SLC44A1: variants seen among roughly 807,000 people sequenced by gnomAD.
The protein encoded by SLC44A1 is choline transporter-like protein 1.
Under a neutral mutation model 79.3 loss-of-function variants are expected in SLC44A1, and 26 were observed. The observed-to-expected ratio is 0.33, with a 90% CI of 0.24 to 0.46. The LOEUF (loss-of-function observed/expected upper bound fraction) is 0.46, where lower values mean the gene tolerates loss of function less well. SLC44A1 is among the 20% of genes least tolerant of loss of function. SLC44A1 has a pLI of 1.00. For synonymous variants in SLC44A1, 263 were observed against 286.2 expected, an observed-to-expected ratio of 0.92 and a Z score of 0.82; for missense variants, 688 against 798.1, an observed-to-expected ratio of 0.86 and a Z score of 1.66.
At chr9:105,427,567 C>A (rs151008489) in intron 15 of SLC44A1, among the ~76,000 whole-genome samples, 2 of 152,112 alleles carry the variant, frequency 1.3e-5, no homozygotes, top group African/African-American at 2.4e-5. Flanking sequence ...AGCCACTGCA[C>A]CCGGCCTCAG....
intron 15 of SLC44A1, among the ~76,000 whole-genome samples, chr9:105,433,773 G>T (rs889757436): frequency 6.6e-6 from 1 of 152,110 alleles, no homozygotes; most frequent in Non-Finnish European, 1.5e-5. Context: ...CACACAGGGG[G>T]TTCTCTAGCT....
At chr9:105,401,420 G>C (rs1828956292), downstream of SLC44A1, among the ~76,000 whole-genome samples, 2 of 152,100 alleles carry the variant, frequency 1.3e-5, no homozygotes, top group South Asian at 4.1e-4. Context: ...ACTTAAAATA[G>C]AATATACCTA....
intron 4 of SLC44A1, among the ~76,000 whole-genome samples, chr9:105,346,546 C>T (rs1827251826): frequency 6.6e-6 from 1 of 152,092 alleles, no homozygotes; most frequent in Non-Finnish European, 1.5e-5. Context: ...GTCCTCTGCA[C>T]TTATTGGCGC....
chr9:105,349,786 ATAT>A lies in SLC44A1; in HGVS notation c.500+1339_500+1341del, dbSNP rs963186147. ...AGAATCATGCTCTCAAGATTAAAACATATTATGACAGTATAGCCAGAAAGCCTG... is the reference window on the plus strand; with the variant it reads ...AGAATCATGCTCTCAAGATTAAAACATATGACAGTATAGCCAGAAAGCCTG... On this transcript the variant is annotated intron_variant, in intron 5 of 15. Transcript: ENST00000374720. 9.2e-5 allele frequency among the ~76,000 whole-genome samples: 14 copies of A among 152,328 alleles called. 1 individual carries two copies. The highest frequency in any genetic ancestry group is 3.4e-4 in the African/African-American group (14 of 41,572).
At position 105,385,499 on chromosome 9, in the gene SLC44A1, G is replaced by T; in HGVS notation, c.1947G>T (p.Pro649=). ...GGVADSRELK[P]MASGASSA Reference sequence around the variant, plus strand: ...TCGCTGATTCCAGAGAGCTAAAGCCGATGGTAGGTGGAGATGAGGAGGTGG... The same window carrying T: ...TCGCTGATTCCAGAGAGCTAAAGCCTATGGTAGGTGGAGATGAGGAGGTGG... Residue 649 remains proline, a synonymous_variant, in exon 15 of 16, where the codon CCG becomes CCT. Coordinates refer to ENST00000374720, the MANE Select transcript of SLC44A1 (RefSeq NM_080546.5). The T allele has an allele frequency of 6.4e-7, 1 of 1,571,934 alleles. No homozygotes were observed. The highest frequency in any genetic ancestry group is 1.2e-5 in the South Asian group (1 of 85,406).
At chr9:105,294,979 A>G (rs1312811428) in intron 1 of SLC44A1, among the ~76,000 whole-genome samples, 1 of 150,820 alleles carries the variant, frequency 6.6e-6, no homozygotes, top group African/African-American at 2.4e-5. Context: ...TGTGTTTAGT[A>G]CACTGGTGAG....
intron 15 of SLC44A1, among the ~76,000 whole-genome samples, chr9:105,424,960 AAAG>A (rs1427667791): frequency 6.8e-6 from 1 of 147,762 alleles, no homozygotes; most frequent in Non-Finnish European, 1.5e-5. Context: ...AAAAAAAAAA[AAAG>A]AAAAGAAAGA....
In SLC44A1 at chr9:105,365,499, C is replaced by G. The variant is rs1001737261; in HGVS notation, c.1270C>G (p.Pro424Ala). Residue 424 changes from proline (P) to alanine (A), a missense_variant, in exon 11 of 16, where the codon CCA becomes GCA. Transcript: ENST00000374720. ...YYFTRDKRNLPFTPILASVNR... is the reference protein window; with the variant it reads ...YYFTRDKRNLAFTPILASVNR... Reference sequence around the variant, plus strand: ...TTTAAATAGGGATAAAAGGAATTTGCCATTTACACCTATTTTGGCATCAGT... The same window carrying G: ...TTTAAATAGGGATAAAAGGAATTTGGCATTTACACCTATTTTGGCATCAGT... 2 of 1,611,614 alleles carry G rather than the reference C, an allele frequency of 1.2e-6. No individual in the cohort carries two copies. The highest frequency in any genetic ancestry group is 1.7e-6 in the Non-Finnish European group (2 of 1,178,538).
chr9:105,280,228 T>A (rs1289324247), intron 1 of SLC44A1, among the ~76,000 whole-genome samples: 1 of 152,226 alleles, frequency 6.6e-6, no homozygotes, highest in African/African-American at 2.4e-5. Flanking sequence ...AACACTGTGT[T>A]GCAGTTTAGC....
rs1554790127 is a variant in SLC44A1 at position 105,304,944 on chromosome 9, G to GTTTTTTTTTGTTTTTTTTTTTTTTTT, written c.127-4771_127-4770insGTTTTTTTTTTTTTTTTTTTTTTTTT. On this transcript the variant is annotated intron_variant, in intron 2 of 15. Transcript: ENST00000374720. ...GTAGTTATTCCCTAGACTTTCTATC[G>GTTTTTTTTTGTTTTTTTTTTTTTTTT]TTTTTTTTTTTTTTTTTTTTTTTTT... is the stretch of plus-strand genomic sequence containing the variant. Among the ~76,000 whole-genome samples, 2 of 20,078 alleles carry GTTTTTTTTTGTTTTTTTTTTTTTTTT rather than the reference G, an allele frequency of 1.0e-4. 1 individual carries two copies. The highest frequency in any genetic ancestry group is 2.2e-4 in the Non-Finnish European group (2 of 8,998). The allele number at this position is 20,078 out of a possible 152,430, so 13.2% of individuals were successfully genotyped here.
intron 1 of SLC44A1, among the ~76,000 whole-genome samples, chr9:105,292,156 T>C (rs763471389): frequency 6.6e-6 from 1 of 152,152 alleles, no homozygotes; most frequent in Non-Finnish European, 1.5e-5. Flanking sequence ...GTTCTCTGGC[T>C]TAGTCTGGGG....
chr9:105,399,544 G>T (rs906578215), downstream of SLC44A1, among the ~76,000 whole-genome samples: 35 of 152,128 alleles, frequency 2.3e-4, no homozygotes, highest in African/African-American at 8.4e-4. Flanking sequence ...GAGAAAAGGA[G>T]ATTAGCTATG....
intron 1 of SLC44A1, among the ~76,000 whole-genome samples, chr9:105,268,720 G>A (rs1046520141): frequency 1.3e-5 from 2 of 150,954 alleles, no homozygotes; most frequent in Admixed American, 1.3e-4. Context: ...GGCTGGTCTC[G>A]AACTCCAACC....
chr9:105,380,898 C>G (rs1473018815), intron 13 of SLC44A1, among the ~76,000 whole-genome samples: 3 of 152,178 alleles, frequency 2.0e-5, no homozygotes, highest in Non-Finnish European at 4.4e-5. Context: ...CTTAGCCTTT[C>G]TACAGTTTGA....
At chr9:105,434,481 A>G (rs763484956) in intron 15 of SLC44A1, among the ~76,000 whole-genome samples, 2 of 152,238 alleles carry the variant, frequency 1.3e-5, no homozygotes, top group Non-Finnish European at 2.9e-5. Flanking sequence ...GTAGGGCAAA[A>G]ATAAGATGGA....
chr9:105,389,760 C>G lies in SLC44A1; in HGVS notation c.*704C>G. On this transcript the variant is annotated 3_prime_UTR_variant, in exon 16 of 16. Coordinates refer to ENST00000374720, the MANE Select transcript of SLC44A1 (RefSeq NM_080546.5). ...AAAAAGAAAAGGGTAGATAATCTTTCGTATGCAAACTTTTCCCTTATATTT... is the reference window on the plus strand; with the variant it reads ...AAAAAGAAAAGGGTAGATAATCTTTGGTATGCAAACTTTTCCCTTATATTT... 7.7e-7 allele frequency: 1 copy of G among 1,302,374 alleles called. No individual in the cohort carries two copies. The highest frequency in any genetic ancestry group is 1.5e-5 in the African/African-American group (1 of 66,106). The allele number at this position is 1,302,374 out of a possible 1,614,324, so 80.7% of individuals were successfully genotyped here. A position where few individuals can be genotyped will look rare whatever the true frequency, so the allele number is the denominator to read the frequency against.
At chr9:105,304,509 G>T (rs1830965617) in intron 2 of SLC44A1, among the ~76,000 whole-genome samples, 1 of 152,000 alleles carries the variant, frequency 6.6e-6, no homozygotes, top group African/African-American at 2.4e-5. Flanking sequence ...TTTTTAATCT[G>T]CTTTTGCTTT....
chr9:105,373,730 T>C lies in SLC44A1; in HGVS notation c.1495-868T>C, dbSNP rs143020697. On this transcript the variant is annotated intron_variant, in intron 12 of 15. Transcript: ENST00000374720. ...CATGGTGTTGGCCTCACCCTCAGTTTTACACTGTGACCTTCAGCAGCTCTT... is the reference window on the plus strand; with the variant it reads ...CATGGTGTTGGCCTCACCCTCAGTTCTACACTGTGACCTTCAGCAGCTCTT... 4.1e-4 allele frequency among the ~76,000 whole-genome samples: 63 copies of C among 152,332 alleles called. 1 individual carries two copies. In the East Asian group the frequency reaches 0.011, roughly 27 times the overall value.
chr9:105,306,154 C>T (rs1197310026), intron 2 of SLC44A1, among the ~76,000 whole-genome samples: 4 of 152,102 alleles, frequency 2.6e-5, no homozygotes, highest in African/African-American at 7.2e-5. Context: ...ACATTTTAGC[C>T]GTGGTTTTCT....
Sources: allele counts gnomAD v4.1 joint callset (sites outside exome capture counted in the v4.1 genomes callset), GRCh38; gene constraint gnomAD v4.1.1; transcripts MANE v1.5; gene names NCBI Gene and HGNC (gene_info 2026-07-23, HGNC 2026-07-21).